The following MYO10 variants were observed in gnomAD, a reference collection of about 807,000 sequenced individuals.
The protein encoded by MYO10 is myosin X.
In MYO10, 133 loss-of-function variants were observed where a neutral mutation model predicts 257.3. The ratio of observed to expected loss-of-function variants is 0.52; its 90% CI spans 0.45 to 0.60. The LOEUF is 0.60. Ranked by LOEUF, MYO10 falls within the 20% of genes least tolerant of loss-of-function variation. The probability of loss-of-function intolerance (pLI) is 0.00; values close to 1 mark genes in which losing one functional copy is unlikely to be tolerated. For synonymous variants in MYO10, 1,104 were observed against 1,028.6 expected (o/e 1.07, Z -1.40); for missense variants, 2,399 against 2,635.7 (o/e 0.91, Z 1.97).
intron 21 of MYO10, among the ~76,000 whole-genome samples, chr5:16,705,369 CTG>C (rs1738282963): frequency 6.6e-6 from 1 of 152,192 alleles, no homozygotes; most frequent in Admixed American, 6.5e-5. Flanking sequence ...TTGCCTATGT[CTG>C]AGAATGGACA....
chr5:16,822,138 G>C (rs951046834), intron 2 of MYO10, among the ~76,000 whole-genome samples: 1 of 152,116 alleles, frequency 6.6e-6, no homozygotes, highest in Non-Finnish European at 1.5e-5. Context: ...TAGAAATTTG[G>C]GGAGAGCATC....
intron 37 of MYO10, among the ~76,000 whole-genome samples, chr5:16,671,966 G>A (rs1263967242): frequency 6.6e-6 from 1 of 152,156 alleles, no homozygotes; most frequent in Admixed American, 6.5e-5. Context: ...ATACCTTCGC[G>A]CTACTTCGAG....
At chr5:16,801,367 C>T (rs1742115845) in intron 3 of MYO10, among the ~76,000 whole-genome samples, 1 of 152,064 alleles carries the variant, frequency 6.6e-6, no homozygotes. Context: ...ACAACCACAC[C>T]TGGCTAATTT....
chr5:16,700,522 CA>C (rs1737995746), intron 25 of MYO10, among the ~76,000 whole-genome samples: 1 of 152,034 alleles, frequency 6.6e-6, no homozygotes, highest in Non-Finnish European at 1.5e-5. Flanking sequence ...ACTAAAAATA[CA>C]AAAATTAGAC....
intron 19 of MYO10, among the ~76,000 whole-genome samples, chr5:16,734,628 A>G (rs1016580063): frequency 2.6e-5 from 4 of 152,048 alleles, no homozygotes; most frequent in Non-Finnish European, 5.9e-5. Flanking sequence ...AACATGGTGA[A>G]ACCCCGTCTC....
At chr5:16,898,045 A>C (rs1745263247) in intron 1 of MYO10, among the ~76,000 whole-genome samples, 1 of 152,048 alleles carries the variant, frequency 6.6e-6, no homozygotes, top group South Asian at 2.1e-4. Flanking sequence ...CTGGGAGATA[A>C]GCACTGCTGG....
At chr5:16,852,628 A>G (rs772584322) in intron 2 of MYO10, among the ~76,000 whole-genome samples, 1 of 151,452 alleles carries the variant, frequency 6.6e-6, no homozygotes, top group Non-Finnish European at 1.5e-5. Context: ...CATTACCTTC[A>G]AGCAGAAGAT....
chr5:16,685,679 C>T (rs777675925), intron 29 of MYO10, 59 bp downstream of exon 29: 12 of 1,239,712 alleles, frequency 9.7e-6, no homozygotes, highest in Admixed American at 4.0e-5. Flanking sequence ...ACCATCCTGA[C>T]GCCCTCCCCG....
At chr5:16,761,370 A>G in intron 17 of MYO10, 94 bp downstream of exon 17, 5 of 985,628 alleles carry the variant, frequency 5.1e-6, no homozygotes, top group South Asian at 1.4e-5. Flanking sequence ...AGTTTCTTAC[A>G]TAACAGCAAT....
chr5:16,799,730 G>T (rs766242680), intron 3 of MYO10, among the ~76,000 whole-genome samples: 2 of 152,142 alleles, frequency 1.3e-5, no homozygotes, highest in African/African-American at 4.8e-5. Flanking sequence ...CTGACCTCAG[G>T]TGATCCACCC....
At chr5:16,862,919 A>G (rs2126747356) in intron 2 of MYO10, among the ~76,000 whole-genome samples, 1 of 152,302 alleles carries the variant, frequency 6.6e-6, no homozygotes, top group Non-Finnish European at 1.5e-5. Context: ...ACAGGCTTAC[A>G]CAGGACTAAG....
rs1739925909 is a variant in MYO10, at chr5:16,739,219, A to T, written c.1929+15609T>A. Among the ~76,000 whole-genome samples the T allele has an allele frequency of 2.6e-5, 4 of 151,588 alleles. No homozygotes were observed. In the South Asian group the frequency reaches 8.3e-4, roughly 32 times the overall value. On this transcript the variant is annotated intron_variant, in intron 19 of 40. Transcript: ENST00000513610. Reference sequence around the variant, plus strand: ...AAAAAAAAAAAAAAAGCATAAAACCATTAAACCATTCAATCCTCACACTAG... The same window carrying T: ...AAAAAAAAAAAAAAAGCATAAAACCTTTAAACCATTCAATCCTCACACTAG...
intron 19 of MYO10, chr5:16,741,706 T>C (rs1436267979): frequency 1.2e-6 from 1 of 819,976 alleles, no homozygotes; most frequent in Non-Finnish European, 1.5e-6. Context: ...AACAGCAAAA[T>C]CTGTTCCCCG....
At chr5:16,671,070 T>A (rs897513284) in intron 38 of MYO10, 92 bp from the exon 39 acceptor site, 3 of 1,194,802 alleles carry the variant, frequency 2.5e-6, no homozygotes, top group Non-Finnish European at 3.5e-6. Context: ...TGAGGGTTTC[T>A]CTCAAACTCA....
At chr5:16,858,960 G>C (rs1744038435) in intron 2 of MYO10, among the ~76,000 whole-genome samples, 1 of 151,470 alleles carries the variant, frequency 6.6e-6, no homozygotes, top group Admixed American at 6.6e-5. Flanking sequence ...TCCATCTCAG[G>C]GGAAAAAAAA....
intron 2 of MYO10, among the ~76,000 whole-genome samples, chr5:16,836,973 A>G (rs749337137): frequency 1.3e-5 from 2 of 152,196 alleles, no homozygotes; most frequent in Non-Finnish European, 2.9e-5. Flanking sequence ...GATAGACATA[A>G]TGTGGTGTGA....
intron 28 of MYO10, 104 bp from the exon 29 acceptor site, chr5:16,685,935 C>G (rs1737234682): frequency 1.2e-6 from 1 of 819,844 alleles, no homozygotes; most frequent in African/African-American, 1.7e-5. Flanking sequence ...CTCTAAGCAC[C>G]TTTGCTTTTA....
At chr5:16,731,326 A>G (rs1739573605) in intron 19 of MYO10, among the ~76,000 whole-genome samples, 1 of 151,128 alleles carries the variant, frequency 6.6e-6, no homozygotes, top group South Asian at 2.1e-4. Flanking sequence ...TACAGGCATG[A>G]GCCACCACGC....
intron 2 of MYO10, among the ~76,000 whole-genome samples, chr5:16,841,872 AG>A (rs1743492038): frequency 6.6e-6 from 1 of 152,024 alleles, no homozygotes; most frequent in Non-Finnish European, 1.5e-5. Flanking sequence ...GAGGGCTTGG[AG>A]TTTTTCTGAA....
Sources: gnomAD v4.1 joint callset for allele counts (sites outside exome capture counted in the v4.1 genomes callset) on GRCh38, gnomAD v4.1.1 for gene constraint, MANE v1.5 for transcripts, NCBI Gene and HGNC (gene_info 2026-07-23, HGNC 2026-07-21) for gene names.